The following FGF9 variants were observed in gnomAD, a reference collection of about 807,000 sequenced individuals.
FGF9 encodes the protein fibroblast growth factor 9, also known as fibroblast growth factor 9 (glia-activating factor).
FGF9 carries 3 observed loss-of-function variants against 19.9 expected under a neutral mutation model. The observed-to-expected ratio is 0.15, with a 90% CI of 0.07 to 0.39. The LOEUF (loss-of-function observed/expected upper bound fraction) is 0.39. Ranked by LOEUF, FGF9 falls within the 10% of genes least tolerant of loss-of-function variation. The pLI, the probability that FGF9 is intolerant of heterozygous loss-of-function variation, is 1.00. For missense variants in FGF9, 175 were observed against 256.8 expected (o/e 0.68, Z 2.18); for synonymous variants, 107 against 106.9 (o/e 1.00, Z -0.01).
intron 1 of FGF9, 26 bp from the exon 2 acceptor site, chr13:21,681,016 C>G: frequency 6.5e-7 from 1 of 1,542,270 alleles, no homozygotes; most frequent in Non-Finnish European, 9.0e-7. Context: ...CTGATCTGTC[C>G]TCTGCCTTCT....
intron 2 of FGF9, among the ~76,000 whole-genome samples, chr13:21,696,460 TA>T (rs948013198): frequency 1.3e-5 from 2 of 151,384 alleles, no homozygotes; most frequent in African/African-American, 2.4e-5. Context: ...TTAAATAATC[TA>T]AAAAAAAATT....
At position 21,701,484 on chromosome 13, in the gene FGF9, G is replaced by A. The variant is rs1565954930; in HGVS notation, c.*49G>A. ...CCCTTAAAAAAGTAACCACTATAAAGGTTTCACGCGGTGGGTTCTTATTGA... is the reference window on the plus strand; with the variant it reads ...CCCTTAAAAAAGTAACCACTATAAAAGTTTCACGCGGTGGGTTCTTATTGA... On this transcript the variant is annotated 3_prime_UTR_variant, in exon 3 of 3. Coordinates refer to ENST00000382353, the MANE Select transcript of FGF9 (RefSeq NM_002010.3). 1 of 1,613,082 alleles carries A rather than the reference G, an allele frequency of 6.2e-7. No homozygotes were observed. Among genetic ancestry groups the A allele is most frequent in the African/African-American group, 1.3e-5 (1 of 75,002 alleles).
intron 2 of FGF9, among the ~76,000 whole-genome samples, chr13:21,695,606 G>C (rs548279171): frequency 1.3e-5 from 2 of 152,054 alleles, no homozygotes; most frequent in Non-Finnish European, 2.9e-5. Context: ...TCTTATTAAC[G>C]GTCCTTTAGT....
rs1170385349 is a variant in FGF9 at position 21,691,740 on chromosome 13, G to C, written c.382-9450G>C. On this transcript the variant is annotated intron_variant, in intron 2 of 2. Coordinates refer to ENST00000382353, the MANE Select transcript of FGF9 (RefSeq NM_002010.3). The surrounding 1 kb of genome is among the most constrained non-coding windows in gnomAD (Gnocchi z 4.2). ...CACCCCTCCCGACTCCCCCTCACCAGGGACTGACTTGAACTTGGTCAGAAA... is the reference window on the plus strand; with the variant it reads ...CACCCCTCCCGACTCCCCCTCACCACGGACTGACTTGAACTTGGTCAGAAA... 6.6e-6 allele frequency among the ~76,000 whole-genome samples: 1 copy of C among 152,210 alleles called. No individual in the cohort carries two copies. Among genetic ancestry groups the C allele is most frequent in the East Asian group, 1.9e-4 (1 of 5,188 alleles).
chr13:21,686,235 A>G (rs1265998742), intron 2 of FGF9, among the ~76,000 whole-genome samples: 1 of 152,058 alleles, frequency 6.6e-6, no homozygotes, highest in Non-Finnish European at 1.5e-5. Flanking sequence ...CACCATGTTG[A>G]CCGGGCTGAT....
chr13:21,672,136 A>G lies in FGF9; in HGVS notation c.224A>G (p.Glu75Gly). ...QLYCRTGFHL[E>G]IFPNGTIQGT... is the part of the protein sequence containing the mutation. ...TACTGCAGGACTGGATTTCACTTAG[A>G]AATCTTCCCCAATGGTACTATCCAG... Residue 75 changes from glutamate (E) to glycine (G), a missense_variant, in exon 1 of 3, where the codon GAA becomes GGA. By Grantham distance (98) the Glu-to-Gly change is moderately conservative. Transcript: ENST00000382353. This position sits in a 1 kb window ranked among gnomAD's most constrained non-coding sequence, Gnocchi z 4.2. The G allele has an allele frequency of 3.1e-6, 5 of 1,614,206 alleles. No individual in the cohort carries two copies. Among genetic ancestry groups the G allele is most frequent in the Non-Finnish European group, 4.2e-6 (5 of 1,180,040 alleles).
intron 2 of FGF9, among the ~76,000 whole-genome samples, chr13:21,681,612 G>C (rs1872044632): frequency 6.6e-6 from 1 of 152,210 alleles, no homozygotes; most frequent in Non-Finnish European, 1.5e-5. Flanking sequence ...TTTTGTACGT[G>C]AATAAGAATA....
At chr13:21,699,915 GA>G (rs1172576028) in intron 2 of FGF9, among the ~76,000 whole-genome samples, 3 of 152,156 alleles carry the variant, frequency 2.0e-5, no homozygotes, top group Non-Finnish European at 2.9e-5. Flanking sequence ...TGAACAGTGA[GA>G]AGAGCAAAAA....
rs545346016 is a variant in FGF9 at position 21,703,726 on chromosome 13, A to G, written c.*2291A>G. 6.6e-6 allele frequency: 1 copy of G among 152,150 alleles called. No individual in the cohort carries two copies. Among genetic ancestry groups the G allele is most frequent in the Non-Finnish European group, 1.5e-5 (1 of 68,022 alleles). 9.4% of individuals were successfully genotyped at this position (152,150 alleles called of 1,614,324 possible). On this transcript the variant is annotated 3_prime_UTR_variant, in exon 3 of 3. Transcript: ENST00000382353. ...ATAGGTATACTATGTAGCACTGAAAAAATTGATTTTAGGTGACAGCCAAAA... is the reference window on the plus strand; with the variant it reads ...ATAGGTATACTATGTAGCACTGAAAGAATTGATTTTAGGTGACAGCCAAAA...
chr13:21,686,112 T>C (rs1183794460), intron 2 of FGF9, among the ~76,000 whole-genome samples: 2 of 152,188 alleles, frequency 1.3e-5, no homozygotes, highest in African/African-American at 2.4e-5. Context: ...TGGAGTATAG[T>C]GGCATGATCT....
At chr13:21,673,448 C>G (rs1052484247) in intron 1 of FGF9, among the ~76,000 whole-genome samples, 38 of 152,288 alleles carry the variant, frequency 2.5e-4, no homozygotes, top group African/African-American at 8.9e-4. Flanking sequence ...CCTAAGCCCA[C>G]AGCTGAGCCT....
chr13:21,700,137 G>A (rs1047613807), intron 2 of FGF9, among the ~76,000 whole-genome samples: 12 of 152,000 alleles, frequency 7.9e-5, no homozygotes, highest in East Asian at 3.9e-4. Context: ...CATAAAGCTC[G>A]AGTAGAGAGG....
At chr13:21,699,724 A>G (rs1053543104) in intron 2 of FGF9, among the ~76,000 whole-genome samples, 1 of 152,220 alleles carries the variant, frequency 6.6e-6, no homozygotes, top group African/African-American at 2.4e-5. Context: ...TTGGTGATGT[A>G]TAAAGTTTAC....
chr13:21,693,610 T>C (rs1419313359), intron 2 of FGF9, among the ~76,000 whole-genome samples: 1 of 152,190 alleles, frequency 6.6e-6, no homozygotes, highest in Non-Finnish European at 1.5e-5. Context: ...AAGTTCTCTT[T>C]GGGCAGTTCA....
rs376200901 is a variant in FGF9 at position 21,701,673 on chromosome 13, G to GGA, written c.*251_*252dup. 4.5e-5 allele frequency: 23 copies of GGA among 512,238 alleles called. No homozygotes were observed. The highest frequency in any genetic ancestry group is 2.3e-4 in the South Asian group (11 of 48,456). The allele number at this position is 512,238 out of a possible 1,614,324, so 31.7% of individuals were successfully genotyped here. A position where few individuals can be genotyped will look rare whatever the true frequency, so the allele number is the denominator to read the frequency against. ...TTGCTTGATTTATCATGAGAGAAGA[G>GGA]GAGAGAGAGAGAGACTGAGCGCTAG... On this transcript the variant is annotated 3_prime_UTR_variant, in exon 3 of 3. Coordinates refer to ENST00000382353, the MANE Select transcript of FGF9 (RefSeq NM_002010.3).
chr13:21,703,944 C>T lies in FGF9; in HGVS notation c.*2509C>T, dbSNP rs1356042689. The T allele has an allele frequency of 1.3e-5, 2 of 150,932 alleles. No homozygotes were observed. The highest frequency in any genetic ancestry group is 2.9e-5 in the Non-Finnish European group (2 of 67,908). The allele number at this position is 150,932 out of a possible 1,614,324, so 9.3% of individuals were successfully genotyped here. ...TGCTTTTGGCAATTGATACAATAAA[C>T]TGTAATGGTCTGTAAATAAATAAAT... is the stretch of plus-strand genomic sequence containing the variant. On this transcript the variant is annotated 3_prime_UTR_variant, in exon 3 of 3. Transcript: ENST00000382353.
intron 2 of FGF9, among the ~76,000 whole-genome samples, chr13:21,697,844 T>C (rs1205538245): frequency 6.6e-6 from 1 of 151,424 alleles, no homozygotes; most frequent in Non-Finnish European, 1.5e-5. Context: ...TCTCTCTCTG[T>C]CGCCCAGGCT....
chr13:21,681,061 T>C lies in FGF9; in HGVS notation c.297T>C (p.Ser99=), dbSNP rs1428841855. 2.5e-6 allele frequency: 4 copies of C among 1,613,590 alleles called. No homozygotes were observed. The East Asian group carries it at 6.7e-5, about 27-fold the overall frequency. Residue 99 remains serine (S), a synonymous_variant, in exon 2 of 3, where the codon AGT becomes AGC. Coordinates refer to ENST00000382353, the MANE Select transcript of FGF9 (RefSeq NM_002010.3). Reference sequence around the variant, plus strand: ...CTACAGGCATTCTGGAATTTATCAGTATAGCAGTGGGCCTGGTCAGCATTC... The same window carrying C: ...CTACAGGCATTCTGGAATTTATCAGCATAGCAGTGGGCCTGGTCAGCATTC... ...HSRFGILEFI[S]IAVGLVSIRG... is the part of the protein sequence containing the mutation.
intron 2 of FGF9, among the ~76,000 whole-genome samples, chr13:21,694,419 T>C (rs1403898624): frequency 6.6e-6 from 1 of 152,174 alleles, no homozygotes; most frequent in Non-Finnish European, 1.5e-5. Flanking sequence ...GGGAACAAAG[T>C]AGATGTAGTC....
Sources: allele counts gnomAD v4.1 joint callset (sites outside exome capture counted in the v4.1 genomes callset), GRCh38; gene constraint gnomAD v4.1.1; non-coding constraint Gnocchi (gnomAD v3.1); transcripts MANE v1.5; gene names NCBI Gene and HGNC (gene_info 2026-07-23, HGNC 2026-07-21).